IGFN1: variants seen among roughly 807,000 people sequenced by gnomAD.
The protein encoded by IGFN1 is immunoglobulin like and fibronectin type III domain containing 1.
IGFN1 carries 253 observed loss-of-function variants against 289.5 expected under a neutral mutation model. The ratio of observed to expected loss-of-function variants is 0.87; its 90% CI spans 0.79 to 0.97. The LOEUF (loss-of-function observed/expected upper bound fraction) is 0.97. Among genes scored for constraint, IGFN1 ranks in the 50% least tolerant of loss-of-function variants. IGFN1 has a pLI of 0.00. For missense variants in IGFN1, 4,470 were observed against 4,686.1 expected, an observed-to-expected ratio of 0.95 and a Z score of 1.35; for synonymous variants, 1,706 against 1,788.5, an observed-to-expected ratio of 0.95 and a Z score of 1.16.
In IGFN1 at chr1:201,212,976, A is replaced by G; in HGVS notation, c.8083A>G (p.Lys2695Glu). Residue 2695 changes from lysine to glutamate, a missense_variant, in exon 12 of 24, where the codon AAA becomes GAA. Physicochemically the swap from Lys to Glu is moderately conservative, Grantham distance 56. This residue lies in a region of IGFN1 where 2,218 missense variants were observed against 2,114.1 expected (regional missense o/e 1.05). Coordinates refer to ENST00000335211, the MANE Select transcript of IGFN1 (RefSeq NM_001164586.2). ...GCRSPWSLDS[K>E]GSSPGRGSSV... Reference sequence around the variant, plus strand: ...CCGAAGCCCATGGTCCCTGGATAGCAAAGGTTCAAGTCCTGGAAGGGGCAG... The same window carrying G: ...CCGAAGCCCATGGTCCCTGGATAGCGAAGGTTCAAGTCCTGGAAGGGGCAG... 6.4e-7 allele frequency: 1 copy of G among 1,551,520 alleles called. No individual in the cohort carries two copies. The highest frequency in any genetic ancestry group is 8.7e-7 in the Non-Finnish European group (1 of 1,146,972).
Position 201,212,385 on chromosome 1 carries a change from G to C in IGFN1, c.7492G>C (p.Gly2498Arg). 6.5e-7 allele frequency: 1 copy of C among 1,536,930 alleles called. No individual in the cohort carries two copies. The highest frequency in any genetic ancestry group is 8.7e-7 in the Non-Finnish European group (1 of 1,146,810). ...TGTCAAAGAATGGCAAGACAGTTCT[G>C]GGACTCCAGGGTCTTCTAGAGACAG... ...PDVKEWQDSS[G>R]TPGSSRDRGA... Residue 2498 changes from glycine to arginine, a missense_variant, in exon 12 of 24, where the codon GGG becomes CGG. Transcript: ENST00000335211.
chr1:201,217,177 G>A (rs902613364), intron 16 of IGFN1, 110 bp from the exon 17 acceptor site: 15 of 940,474 alleles, frequency 1.6e-5, no homozygotes, highest in Non-Finnish European at 2.5e-5. Context: ...CACCAGGACA[G>A]GGCGGAGTGT....
At chr1:201,191,417 G>A (rs1166439381) in intron 1 of IGFN1, among the ~76,000 whole-genome samples, 1 of 152,124 alleles carries the variant, frequency 6.6e-6, no homozygotes, top group Non-Finnish European at 1.5e-5. Flanking sequence ...GGAGCCATAG[G>A]TCCTGGAGAG....
rs978028627 is a variant in IGFN1, at chr1:201,198,831, G to A, written c.368-503G>A. On this transcript the variant is annotated intron_variant, in intron 5 of 23. Coordinates refer to ENST00000335211, the MANE Select transcript of IGFN1 (RefSeq NM_001164586.2). Reference sequence around the variant, plus strand: ...CACTGCTAGTTGCAAGGGAAGCTGGGGAAGGTGAGTGTTTAGCTTTTTCAG... The same window carrying A: ...CACTGCTAGTTGCAAGGGAAGCTGGAGAAGGTGAGTGTTTAGCTTTTTCAG... 2.0e-5 allele frequency among the ~76,000 whole-genome samples: 3 copies of A among 152,338 alleles called. No individual in the cohort carries two copies. The South Asian group carries it at 6.2e-4, about 32-fold the overall frequency.
At position 201,221,608 on chromosome 1, in the gene IGFN1, A is replaced by T; in HGVS notation, c.10063A>T (p.Thr3355Ser). ...CCAGTGGCTCCCGTGCCATGTGGGC[A>T]CCGTGCCAGTCACCACCTACACGGC... is the stretch of plus-strand genomic sequence containing the variant. ...SLQWLPCHVGTVPVTTYTAKG... is the reference protein window; with the variant it reads ...SLQWLPCHVGSVPVTTYTAKG... Residue 3355 changes from threonine (T) to serine (S), a missense_variant, in exon 19 of 24, where the codon ACC becomes TCC. Transcript: ENST00000335211. 1 of 1,614,200 alleles carries T rather than the reference A, an allele frequency of 6.2e-7. No individual in the cohort carries two copies. The highest frequency in any genetic ancestry group is 8.5e-7 in the Non-Finnish European group (1 of 1,180,010).
intron 20 of IGFN1, among the ~76,000 whole-genome samples, chr1:201,223,518 A>C (rs6427888): frequency 0.9 from 136,814 of 151,968 alleles, 61,696 homozygotes; most frequent in East Asian, 1. Flanking sequence ...TTACAGGCGC[A>C]TGCCATCACG....
chr1:201,219,262 C>T (rs1217487101), intron 18 of IGFN1, among the ~76,000 whole-genome samples: 1 of 152,210 alleles, frequency 6.6e-6, no homozygotes, highest in Admixed American at 6.5e-5. Context: ...TTGCCCATCA[C>T]CTACTAAATG....
chr1:201,217,502 C>G (rs376837729), intron 17 of IGFN1, 42 bp downstream of exon 17: 405 of 1,600,096 alleles, frequency 2.5e-4, no homozygotes, highest in Non-Finnish European at 3.1e-4. Flanking sequence ...TAGACCCCTC[C>G]TGGCTCCAGG....
rs755985656 is a variant in IGFN1, at chr1:201,213,315, T to C, written c.8422T>C (p.Ser2808Pro). 6.3e-7 allele frequency: 1 copy of C among 1,576,878 alleles called. No homozygotes were observed. Among genetic ancestry groups the C allele is most frequent in the Non-Finnish European group, 8.6e-7 (1 of 1,162,056 alleles). ...EGQGVEEAGR[S>P]GRRPGSLRSR... is the part of the protein sequence containing the mutation. ...GCAGGGAGTGGAAGAGGCTGGGAGG[T>C]CAGGCAGGAGGCCTGGCTCACTCAG... The change falls in exon 12 of 24, where the codon TCA becomes CCA. Residue 2808 changes from serine to proline, a missense_variant. Physicochemically the swap from Ser to Pro is moderately conservative, Grantham distance 74 (BLOSUM62 -1). Transcript: ENST00000335211.
In IGFN1 at chr1:201,221,498, T is replaced by C. The variant is rs1653721830; in HGVS notation, c.9953T>C (p.Ile3318Thr). Residue 3318 changes from isoleucine (I) to threonine (T), a missense_variant, in exon 19 of 24, where the codon ATC becomes ACC. Transcript: ENST00000335211. ...LQVTDRSNTS[I>T]TLSWAGPDTQ... ...GTCACAGACAGATCGAACACCAGCATCACTCTGAGCTGGGCTGGGCCAGAC... is the reference window on the plus strand; with the variant it reads ...GTCACAGACAGATCGAACACCAGCACCACTCTGAGCTGGGCTGGGCCAGAC... 1.2e-6 allele frequency: 2 copies of C among 1,613,358 alleles called. No homozygotes were observed.
chr1:201,215,838 G>C lies in IGFN1; in HGVS notation c.9295G>C (p.Asp3099His). The C allele has an allele frequency of 6.2e-7, 1 of 1,602,322 alleles. No homozygotes were observed. The highest frequency in any genetic ancestry group is 8.5e-7 in the Non-Finnish European group (1 of 1,174,216). Reference protein sequence around the residue: ...VQAELTLQVIDKPDPPQGPME... With the variant: ...VQAELTLQVIHKPDPPQGPME... ...GGCCGAGCTCACTCTGCAAGTCATA[G>C]GTACCAGCCCTGTCTTCCCCCAACT... Residue 3099 changes from aspartate to histidine, a missense_variant and splice_region_variant, in exon 15 of 24, where the codon GAC becomes CAC. Asp to His is a moderately conservative substitution (Grantham distance 81). This residue lies in a region of IGFN1 where 2,218 missense variants were observed against 2,114.1 expected (regional missense o/e 1.05). Coordinates refer to ENST00000335211, the MANE Select transcript of IGFN1 (RefSeq NM_001164586.2).
intron 1 of IGFN1, among the ~76,000 whole-genome samples, chr1:201,191,877 C>T (rs10920140): frequency 0.28 from 42,312 of 151,604 alleles, 6,430 homozygotes; most frequent in Non-Finnish European, 0.33. Context: ...ATGTGGGTGA[C>T]GATGGGGATG....
rs1347942178 is a variant in IGFN1 at position 201,207,876 on chromosome 1, C to T, written c.2983C>T (p.Pro995Ser). Reference sequence around the variant, plus strand: ...CCATGGTGCTGGTTGTAGAGTTTCCCCTAGGGCACCTGCGGGAGTGGAGTC... The same window carrying T: ...CCATGGTGCTGGTTGTAGAGTTTCCTCTAGGGCACCTGCGGGAGTGGAGTC... ...SGHGAGCRVS[P>S]RAPAGVESEE... is the part of the protein sequence containing the mutation. The change falls in exon 12 of 24, where the codon CCT becomes TCT. Residue 995 changes from proline to serine, a missense_variant. By Grantham distance (74) the Pro-to-Ser change is moderately conservative. Transcript: ENST00000335211. 4 of 1,536,224 alleles carry T rather than the reference C, an allele frequency of 2.6e-6. No homozygotes were observed. Among genetic ancestry groups the T allele is most frequent in the Non-Finnish European group, 3.5e-6 (4 of 1,146,396 alleles).
chr1:201,225,636 C>A (rs1200666579), intron 21 of IGFN1, among the ~76,000 whole-genome samples, 188 bp from the exon 22 acceptor site: 1 of 152,224 alleles, frequency 6.6e-6, no homozygotes, highest in Non-Finnish European at 1.5e-5. Flanking sequence ...TAAAATTACT[C>A]TTTTGGGGAG....
chr1:201,225,874 A>T lies in IGFN1; in HGVS notation c.10537A>T (p.Thr3513Ser). The T allele has an allele frequency of 2.5e-6, 4 of 1,613,084 alleles. No homozygotes were observed. Among genetic ancestry groups the T allele is most frequent in the Non-Finnish European group, 3.4e-6 (4 of 1,179,774 alleles). The change falls in exon 22 of 24, where the codon ACG (threonine) becomes TCG (serine). Residue 3513 changes from threonine to serine, a missense_variant. Thr to Ser is a moderately conservative substitution (Grantham distance 58). Transcript: ENST00000335211. Reference sequence around the variant, plus strand: ...CCACCTGCAGGAGAACGTGCCTGGGACGGTGACGGCCGAGTGGGAACCCTC... The same window carrying T: ...CCACCTGCAGGAGAACGTGCCTGGGTCGGTGACGGCCGAGTGGGAACCCTC... Reference protein sequence around the residue: ...PIHLQENVPGTVTAEWEPSPD... With the variant: ...PIHLQENVPGSVTAEWEPSPD...
rs184571677 is a variant in IGFN1 at position 201,222,184 on chromosome 1, C to T, written c.10201+438C>T. On this transcript the variant is annotated intron_variant, in intron 19 of 23. Coordinates refer to ENST00000335211, the MANE Select transcript of IGFN1 (RefSeq NM_001164586.2). ...TCAGAATGGGACATGCCCAGCTCCC[C>T]GTTATTATTGAAAAGAGGATTGTCT... 1.6e-3 allele frequency: 254 copies of T among 161,188 alleles called. 1 individual carries two copies. The highest frequency in any genetic ancestry group is 2.6e-3 in the Non-Finnish European group (197 of 74,568). 10.0% of individuals were successfully genotyped at this position (161,188 alleles called of 1,614,324 possible).
intron 18 of IGFN1, among the ~76,000 whole-genome samples, chr1:201,220,893 C>T (rs1653680831): frequency 6.6e-6 from 1 of 152,114 alleles, no homozygotes. Context: ...CAGGTGATTC[C>T]AACGTGCAGC....
rs932282727 is a variant in IGFN1, at chr1:201,205,249, G to A, written c.1084G>A (p.Gly362Arg). ...ATATGAAGTGTATGTGTCCCCTGAC[G>A]GGCTGACCCACCGGCTGGTGGTGAG... ...DKYEVYVSPD[G>R]LTHRLVVRGA... The change falls in exon 11 of 24, where the codon GGG becomes AGG. Residue 362 changes from glycine to arginine, a missense_variant. Gly to Arg is a moderately radical substitution (Grantham distance 125, BLOSUM62 -2). Coordinates refer to ENST00000335211, the MANE Select transcript of IGFN1 (RefSeq NM_001164586.2). 2.2e-5 allele frequency: 34 copies of A among 1,550,964 alleles called. No individual in the cohort carries two copies. The Middle Eastern group carries it at 5.0e-4, about 23-fold the overall frequency.
chr1:201,225,138 C>T (rs1268061462), intron 21 of IGFN1, among the ~76,000 whole-genome samples: 1 of 152,220 alleles, frequency 6.6e-6, no homozygotes, highest in Admixed American at 6.5e-5. Context: ...TTATCCTTCC[C>T]GTTGAGTCAG....
Sources: gnomAD v4.1 joint callset for allele counts (sites outside exome capture counted in the v4.1 genomes callset) on GRCh38, gnomAD v4.1.1 for gene constraint, gnomAD v4.1.1 regional missense constraint, MANE v1.5 for transcripts, NCBI Gene and HGNC (gene_info 2026-07-23, HGNC 2026-07-21) for gene names.